Variants in SGCZ observed in about 807,000 individuals in gnomAD.
SGCZ encodes sarcoglycan zeta.
SGCZ carries 40 observed loss-of-function variants against 41.3 expected under a neutral mutation model. That is an observed-to-expected ratio of 0.97 (90% confidence interval 0.75 to 1.26). The LOEUF is 1.26. SGCZ is among the 50% of genes most tolerant of loss of function. The pLI is 0.00. For synonymous variants in SGCZ, 206 were observed against 137.5 expected, an observed-to-expected ratio of 1.50 and a Z score of -3.49; for missense variants, 552 against 369.8, an observed-to-expected ratio of 1.49 and a Z score of -4.04.
At chr8:14,169,650 G>T (rs1392058174) in intron 4 of SGCZ, among the ~76,000 whole-genome samples, 1 of 152,100 alleles carries the variant, frequency 6.6e-6, no homozygotes, top group Non-Finnish European at 1.5e-5. Flanking sequence ...TGTGGGGCTG[G>T]CTATCTTTCG....
At chr8:14,181,217 G>T (rs1804714401) in intron 4 of SGCZ, among the ~76,000 whole-genome samples, 2 of 152,092 alleles carry the variant, frequency 1.3e-5, no homozygotes, top group Non-Finnish European at 2.9e-5. Flanking sequence ...AACCATAGGT[G>T]GTTATTCTTC....
chr8:14,894,649 A>T (rs377409326), intron 1 of SGCZ, among the ~76,000 whole-genome samples: 2 of 152,156 alleles, frequency 1.3e-5, no homozygotes, highest in African/African-American at 4.8e-5. Context: ...AATCTTTTAA[A>T]TTTTCAGATG....
intron 1 of SGCZ, among the ~76,000 whole-genome samples, chr8:14,606,526 G>A (rs1173591568): frequency 1.3e-5 from 2 of 152,112 alleles, no homozygotes; most frequent in Admixed American, 6.6e-5. Context: ...CCACCTAAAT[G>A]GCAGGAATCA....
At chr8:14,743,225 T>C (rs1048653307) in intron 1 of SGCZ, among the ~76,000 whole-genome samples, 12 of 152,092 alleles carry the variant, frequency 7.9e-5, no homozygotes, top group South Asian at 2.1e-4. Flanking sequence ...TCAAATGTTA[T>C]CATTGATGAT....
intron 2 of SGCZ, among the ~76,000 whole-genome samples, chr8:14,490,136 G>A (rs1801801815): frequency 6.6e-6 from 1 of 152,044 alleles, no homozygotes; most frequent in African/African-American, 2.4e-5. Flanking sequence ...AAAGTTCTGG[G>A]ATTACAGGTG....
intron 1 of SGCZ, among the ~76,000 whole-genome samples, chr8:14,702,584 C>T (rs1809172656): frequency 6.6e-6 from 1 of 151,826 alleles, no homozygotes; most frequent in African/African-American, 2.4e-5. Context: ...TTGACCCAAT[C>T]CCCCACAACC....
chr8:15,233,797 GA>G (rs1467291905), intron 1 of SGCZ, among the ~76,000 whole-genome samples: 2 of 151,886 alleles, frequency 1.3e-5, no homozygotes, highest in African/African-American at 4.8e-5. Context: ...GCAATTAGCA[GA>G]AAAAAACTAA....
At chr8:14,800,538 G>A (rs909975827) in intron 1 of SGCZ, among the ~76,000 whole-genome samples, 37 of 152,298 alleles carry the variant, frequency 2.4e-4, no homozygotes, top group African/African-American at 8.7e-4. Flanking sequence ...GGGGCCTGGT[G>A]GAAGGTGATT....
chr8:14,991,080 C>T (rs898519430), intron 1 of SGCZ, among the ~76,000 whole-genome samples: 14 of 151,988 alleles, frequency 9.2e-5, no homozygotes, highest in Non-Finnish European at 1.5e-4. Context: ...GAGTTTAAAC[C>T]ACTCATACCA....
At chr8:15,028,259 G>A (rs1038368982) in intron 1 of SGCZ, among the ~76,000 whole-genome samples, 5 of 152,122 alleles carry the variant, frequency 3.3e-5, no homozygotes, top group East Asian at 3.8e-4. Context: ...TAGCAATTCC[G>A]TAGCTTTCGT....
At chr8:14,383,838 G>C (rs1804462203) in intron 2 of SGCZ, among the ~76,000 whole-genome samples, 2 of 152,080 alleles carry the variant, frequency 1.3e-5, no homozygotes, top group African/African-American at 4.8e-5. Flanking sequence ...TCAGCGAAGA[G>C]GTTTGAGCAT....
At chr8:14,103,940 C>CCTGATACACAACCCTT (rs754298622) in intron 6 of SGCZ, among the ~76,000 whole-genome samples, 3 of 152,046 alleles carry the variant, frequency 2.0e-5, no homozygotes, top group Non-Finnish European at 4.4e-5. Context: ...ACTGATTTTC[C>CCTGATACACAACCCTT]CTGATACACA....
chr8:14,505,712 T>A (rs1266745448), intron 2 of SGCZ, among the ~76,000 whole-genome samples: 2 of 152,180 alleles, frequency 1.3e-5, no homozygotes, highest in Non-Finnish European at 2.9e-5. Flanking sequence ...GAAATCACAA[T>A]TACTGGTATC....
intron 3 of SGCZ, among the ~76,000 whole-genome samples, chr8:14,270,056 G>T (rs994540064): frequency 1.3e-5 from 2 of 152,130 alleles, no homozygotes; most frequent in Non-Finnish European, 2.9e-5. Flanking sequence ...TCAAGTCCAG[G>T]TGTGGTGGTT....
intron 1 of SGCZ, among the ~76,000 whole-genome samples, chr8:14,904,140 C>A (rs1448647088): frequency 1.3e-5 from 2 of 151,954 alleles, no homozygotes; most frequent in Non-Finnish European, 2.9e-5. Context: ...ATATGTTTAT[C>A]TTAAAATATA....
chr8:14,510,441 T>C (rs1289750509), intron 2 of SGCZ, among the ~76,000 whole-genome samples: 1 of 149,522 alleles, frequency 6.7e-6, no homozygotes, highest in Non-Finnish European at 1.5e-5. Context: ...CTTTGTCCTG[T>C]AGAAAAAAAA....
rs142409004 is a variant in SGCZ at position 14,514,374 on chromosome 8, C to T, written c.234+40358G>A. On this transcript the variant is annotated intron_variant, in intron 2 of 7. Coordinates refer to ENST00000382080, the MANE Select transcript of SGCZ (RefSeq NM_139167.4). ...ACTTGAATAACAAACTACTTAATTT[C>T]CTTGACTTTTAGTCCTTCATCTGTA... 7.8e-3 allele frequency among the ~76,000 whole-genome samples: 1,193 copies of T among 152,062 alleles called. 9 individuals are homozygous for T. The highest frequency in any genetic ancestry group is 0.012 in the Non-Finnish European group (839 of 67,974).
intron 1 of SGCZ, among the ~76,000 whole-genome samples, chr8:14,640,876 G>C (rs1348087152): frequency 6.6e-6 from 1 of 151,616 alleles, no homozygotes; most frequent in African/African-American, 2.4e-5. Context: ...AACAGCTTCA[G>C]CCATCTGCAG....
intron 1 of SGCZ, among the ~76,000 whole-genome samples, chr8:15,184,623 C>T (rs1214511434): frequency 6.6e-6 from 1 of 152,080 alleles, no homozygotes. Context: ...GAGTCCCCAG[C>T]AGGAAACTGA....
Sources: gnomAD v4.1 joint callset for allele counts (sites outside exome capture counted in the v4.1 genomes callset) on GRCh38, gnomAD v4.1.1 for gene constraint, MANE v1.5 for transcripts, NCBI Gene and HGNC (gene_info 2026-07-23, HGNC 2026-07-21) for gene names.